SFXN5: variants seen among roughly 807,000 people sequenced by gnomAD.
SFXN5 encodes sideroflexin-5.
SFXN5 carries 43 observed loss-of-function variants against 50.2 expected under a neutral mutation model. That is an observed-to-expected ratio of 0.86 (90% confidence interval 0.67 to 1.11). The LOEUF (loss-of-function observed/expected upper bound fraction) is 1.11. Among genes scored for constraint, SFXN5 ranks in the 50% least tolerant of loss-of-function variants. The pLI, the probability that SFXN5 is intolerant of heterozygous loss-of-function variation, is 0.00. For missense variants in SFXN5, 463 were observed against 454.1 expected, an observed-to-expected ratio of 1.02 and a Z score of -0.18; for synonymous variants, 203 against 185.8, an observed-to-expected ratio of 1.09 and a Z score of -0.75.
At position 72,992,774 on chromosome 2, in the gene SFXN5, A is replaced by G. The variant is rs978600941; in HGVS notation, c.535-4426T>C. Among the ~76,000 whole-genome samples the G allele has an allele frequency of 1.3e-5, 2 of 152,172 alleles. No individual in the cohort carries two copies. On this transcript the variant is annotated intron_variant, in intron 9 of 13. Transcript: ENST00000272433. The surrounding 1 kb of genome is among the most constrained non-coding windows in gnomAD (Gnocchi z 4.5). ...CCTGTTTCCACTCTTGCCCCCATCC[A>G]TCTGCTCTCTACAGCAGTCGGAGTG...
intron 2 of SFXN5, among the ~76,000 whole-genome samples, chr2:73,056,085 C>G (rs1196192457): frequency 6.6e-6 from 1 of 152,186 alleles, no homozygotes; most frequent in Non-Finnish European, 1.5e-5. Context: ...CTGCAATGAG[C>G]TGAGAACATG....
chr2:73,066,633 C>T (rs527496423), intron 1 of SFXN5, among the ~76,000 whole-genome samples: 1 of 151,958 alleles, frequency 6.6e-6, no homozygotes. Context: ...GATCCTGATT[C>T]AAACAAATCA....
intron 1 of SFXN5, among the ~76,000 whole-genome samples, chr2:73,067,145 G>A (rs1429940805): frequency 6.7e-6 from 1 of 149,964 alleles, no homozygotes; most frequent in African/African-American, 2.5e-5. Context: ...GTGATAAAGA[G>A]AGCATTTCAC....
At chr2:73,015,164 C>T (rs1675995252) in intron 6 of SFXN5, among the ~76,000 whole-genome samples, 1 of 152,140 alleles carries the variant, frequency 6.6e-6, no homozygotes, top group South Asian at 2.1e-4. Flanking sequence ...ATAATAATTA[C>T]CGTAAATTGA....
At position 73,040,879 on chromosome 2, in the gene SFXN5, A is replaced by G. The variant is rs1428631646; in HGVS notation, c.224T>C (p.Leu75Pro). ...CTGTTCATTGGTGACCCCCGGGCGC[A>G]GGGTCCCATGCTTATAGTCCTCCAG... Reference protein sequence around the residue: ...QLLEDYKHGTLRPGVTNEQLW... With the variant: ...QLLEDYKHGTPRPGVTNEQLW... The change falls in exon 3 of 14, where the codon CTG (leucine) becomes CCG (proline). Residue 75 changes from leucine to proline, a missense_variant. By Grantham distance (98) the Leu-to-Pro change is moderately conservative. Transcript: ENST00000272433. The G allele has an allele frequency of 3.7e-6, 6 of 1,612,648 alleles. No homozygotes were observed. In the African/African-American group the frequency reaches 8.0e-5, roughly 22 times the overall value.
chr2:72,968,096 A>G (rs1674655131), intron 12 of SFXN5, among the ~76,000 whole-genome samples: 1 of 150,058 alleles, frequency 6.7e-6, no homozygotes, highest in Non-Finnish European at 1.5e-5. Flanking sequence ...CATACTATTC[A>G]CTGAGAGCAT....
chr2:72,989,454 T>C (rs1432917333), intron 9 of SFXN5, among the ~76,000 whole-genome samples: 1 of 152,138 alleles, frequency 6.6e-6, no homozygotes, highest in African/African-American at 2.4e-5. Flanking sequence ...GTGGTGGGTG[T>C]GAGCTTGGCA....
chr2:73,042,911 C>A (rs1421614669), intron 2 of SFXN5, among the ~76,000 whole-genome samples: 1 of 147,398 alleles, frequency 6.8e-6, no homozygotes, highest in Non-Finnish European at 1.5e-5. Flanking sequence ...ATTAAAAATA[C>A]AAAAAAATTA....
At position 73,071,639 on chromosome 2, in the gene SFXN5, G is replaced by T. The variant is rs1683636010; in HGVS notation, c.67C>A (p.Pro23Thr). 1 of 1,613,798 alleles carries T rather than the reference G, an allele frequency of 6.2e-7. No homozygotes were observed. Among genetic ancestry groups the T allele is most frequent in the Non-Finnish European group, 8.5e-7 (1 of 1,179,926 alleles). ...CGGGGTTTGCCCAGTTGGAAAGGAG[G>T]TGCATCGCTCGAGGCGCTAGCGGCA... ...ASAASASSDA[P>T]PFQLGKPRFQ... The change falls in exon 1 of 14, where the codon CCT becomes ACT. Residue 23 changes from proline to threonine, a missense_variant. By Grantham distance (38) the Pro-to-Thr change is conservative. Transcript: ENST00000272433.
chr2:73,034,309 G>A (rs1678686500), intron 3 of SFXN5, among the ~76,000 whole-genome samples: 1 of 152,256 alleles, frequency 6.6e-6, no homozygotes, highest in Non-Finnish European at 1.5e-5. Context: ...GGTAAGACTA[G>A]TGGGTCAGCC....
At chr2:73,039,303 CTG>C (rs1451159549) in intron 3 of SFXN5, among the ~76,000 whole-genome samples, 2 of 152,244 alleles carry the variant, frequency 1.3e-5, no homozygotes, top group East Asian at 3.9e-4. Context: ...TGGTGTATGA[CTG>C]TATTGAAAGG....
chr2:72,986,878 G>A (rs1049489540), intron 10 of SFXN5, among the ~76,000 whole-genome samples: 11 of 152,222 alleles, frequency 7.2e-5, no homozygotes, highest in East Asian at 1.9e-4. Flanking sequence ...AATCACCTGC[G>A]TAGAGCCAAG....
At chr2:72,979,092 G>A (rs574860241) in intron 10 of SFXN5, among the ~76,000 whole-genome samples, 2 of 152,248 alleles carry the variant, frequency 1.3e-5, no homozygotes, top group Admixed American at 1.3e-4. Flanking sequence ...AGTTTCAAAA[G>A]GATATGTACA....
At chr2:73,063,584 T>C (rs1403397910) in intron 1 of SFXN5, among the ~76,000 whole-genome samples, 8 of 152,202 alleles carry the variant, frequency 5.3e-5, no homozygotes, top group Admixed American at 2.6e-4. Flanking sequence ...AACCCCTTAT[T>C]TGCAGCTATG....
chr2:72,984,910 G>C (rs1264426563), intron 10 of SFXN5, among the ~76,000 whole-genome samples: 1 of 152,162 alleles, frequency 6.6e-6, no homozygotes, highest in Admixed American at 6.5e-5. Flanking sequence ...GCTGGGGCCT[G>C]CAGAGGAGCT....
At position 72,945,578 on chromosome 2, in the gene SFXN5, C is replaced by CCCTAGA. The variant is rs1416348167; in HGVS notation, c.946-485_946-480dup. On this transcript the variant is annotated intron_variant, in intron 13 of 13. Coordinates refer to ENST00000272433, the MANE Select transcript of SFXN5 (RefSeq NM_144579.3). The surrounding 1 kb of genome is among the most constrained non-coding windows in gnomAD (Gnocchi z 5.8). ...CACTCCTGCTTCTCTGTTTCCAGTC[C>CCCTAGA]CCTAGACCTAAGCGCCCACACTCCA... Among the ~76,000 whole-genome samples, 1 of 152,048 alleles carries CCCTAGA rather than the reference C, an allele frequency of 6.6e-6. No individual in the cohort carries two copies. The highest frequency in any genetic ancestry group is 1.5e-5 in the Non-Finnish European group (1 of 68,002).
At chr2:73,059,289 CA>C (rs2106037471) in intron 1 of SFXN5, 1 of 985,668 alleles carries the variant, frequency 1.0e-6, no homozygotes, top group East Asian at 1.1e-4. Flanking sequence ...GGGACTAAGC[CA>C]GCTGGGCAAA....
intron 6 of SFXN5, among the ~76,000 whole-genome samples, chr2:73,003,016 C>T (rs148571800): frequency 4.6e-5 from 7 of 152,320 alleles, no homozygotes; most frequent in South Asian, 2.1e-4. Context: ...TCAACAGAGA[C>T]GGTCTTTTCT....
intron 1 of SFXN5, among the ~76,000 whole-genome samples, chr2:73,062,850 A>C (rs1682915814): frequency 6.6e-6 from 1 of 152,194 alleles, no homozygotes; most frequent in South Asian, 2.1e-4. Context: ...GGGATGGATG[A>C]GTTTACCTAG....
Sources: allele counts gnomAD v4.1 joint callset (sites outside exome capture counted in the v4.1 genomes callset), GRCh38; gene constraint gnomAD v4.1.1; non-coding constraint Gnocchi (gnomAD v3.1); transcripts MANE v1.5; gene names NCBI Gene and HGNC (gene_info 2026-07-23, HGNC 2026-07-21).